Variants in ERBB4 observed in about 807,000 individuals in gnomAD.
ERBB4 encodes erb-b2 receptor tyrosine kinase 4, also known as receptor tyrosine-protein kinase erbB-4.
A neutral mutation model predicts 158.0 loss-of-function variants in ERBB4; 42 were observed. That is an observed-to-expected ratio of 0.27 (90% CI 0.21 to 0.34). ERBB4 has a LOEUF of 0.34. Ranked by LOEUF, ERBB4 falls within the 10% of genes least tolerant of loss-of-function variation. ERBB4 has a pLI of 1.00. For synonymous variants in ERBB4, 583 were observed against 558.7 expected, an observed-to-expected ratio of 1.04 and a Z score of -0.61; for missense variants, 1,333 against 1,624.1, an observed-to-expected ratio of 0.82 and a Z score of 3.08.
In ERBB4 at chr2:212,190,550, A is replaced by AAAAAAG. The variant is rs540372658; in HGVS notation, c.83-65648_83-65647insCTTTTT. 5.3e-3 allele frequency among the ~76,000 whole-genome samples: 781 copies of AAAAAAG among 146,938 alleles called. 6 individuals are homozygous for AAAAAAG. Among genetic ancestry groups the AAAAAAG allele is most frequent in the Middle Eastern group, 0.021 (6 of 288 alleles). ...AGACTCCGTCTCAAAAAAAAAAAAA[A>AAAAAAG]AAGAAGAAGAAGAAGAACTGGGCGC... On this transcript the variant is annotated intron_variant, in intron 1 of 27. Coordinates refer to ENST00000342788, the MANE Select transcript of ERBB4 (RefSeq NM_005235.3).
intron 1 of ERBB4, among the ~76,000 whole-genome samples, chr2:212,142,639 C>A (rs2080522646): frequency 6.8e-6 from 1 of 146,342 alleles, no homozygotes; most frequent in African/African-American, 2.5e-5. Context: ...TAAATATTAT[C>A]CTCAATTATA....
At chr2:211,918,183 T>C (rs901127661) in intron 3 of ERBB4, among the ~76,000 whole-genome samples, 1 of 152,172 alleles carries the variant, frequency 6.6e-6, no homozygotes, top group African/African-American at 2.4e-5. Context: ...GAAGTTAATT[T>C]TTCTTTTTGT....
chr2:212,445,939 G>A (rs2092339779), intron 1 of ERBB4, among the ~76,000 whole-genome samples: 1 of 152,182 alleles, frequency 6.6e-6, no homozygotes, highest in Admixed American at 6.5e-5. Context: ...GTTTGTGTAT[G>A]TATACACTTG....
At chr2:211,589,061 T>G (rs1396173866) in intron 19 of ERBB4, among the ~76,000 whole-genome samples, 1 of 152,134 alleles carries the variant, frequency 6.6e-6, no homozygotes, top group East Asian at 1.9e-4. Flanking sequence ...ATAATTGCAA[T>G]CTGAGCTTTA....
At chr2:212,231,274 C>T (rs558121850) in intron 1 of ERBB4, among the ~76,000 whole-genome samples, 1 of 152,076 alleles carries the variant, frequency 6.6e-6, no homozygotes, top group South Asian at 2.1e-4. Context: ...ACGGACAAAA[C>T]CTGAGGGTGT....
chr2:211,492,334 T>C (rs996784194), intron 20 of ERBB4, among the ~76,000 whole-genome samples: 1 of 152,160 alleles, frequency 6.6e-6, no homozygotes, highest in African/African-American at 2.4e-5. Flanking sequence ...TCTTGGCCCT[T>C]GGCCCTGCCA....
At chr2:212,391,657 ATTATG>A (rs1202867168) in intron 1 of ERBB4, among the ~76,000 whole-genome samples, 23 of 138,924 alleles carry the variant, frequency 1.7e-4, no homozygotes, top group African/African-American at 2.4e-4. Flanking sequence ...TATATATTAT[ATTATG>A]TATTATATTT....
At chr2:212,212,140 T>C (rs2082956937) in intron 1 of ERBB4, among the ~76,000 whole-genome samples, 1 of 152,140 alleles carries the variant, frequency 6.6e-6, no homozygotes, top group South Asian at 2.1e-4. Flanking sequence ...ATCACCATAC[T>C]GTCTTCCTCA....
chr2:212,247,024 G>T (rs1288333513), intron 1 of ERBB4, among the ~76,000 whole-genome samples: 1 of 152,066 alleles, frequency 6.6e-6, no homozygotes, highest in African/African-American at 2.4e-5. Context: ...CAAAAATCAT[G>T]TTGATTAAAT....
intron 3 of ERBB4, among the ~76,000 whole-genome samples, chr2:211,880,676 A>G (rs1010482380): frequency 2.0e-5 from 3 of 152,336 alleles, no homozygotes; most frequent in East Asian, 1.9e-4. Context: ...CCTGTATCAG[A>G]GCAACATGAA....
At chr2:211,723,557 G>A (rs543809918) in intron 6 of ERBB4, among the ~76,000 whole-genome samples, 128 of 151,990 alleles carry the variant, frequency 8.4e-4, no homozygotes, top group African/African-American at 2.9e-3. Flanking sequence ...TCATAAACAT[G>A]ACAATTCCCT....
intron 1 of ERBB4, among the ~76,000 whole-genome samples, chr2:212,159,318 T>A (rs1575723073): frequency 1.3e-5 from 2 of 151,310 alleles, no homozygotes; most frequent in Admixed American, 6.6e-5. Flanking sequence ...CAGAATCATA[T>A]ATAATTCCGT....
chr2:211,391,831 G>A (rs954077268), intron 25 of ERBB4, among the ~76,000 whole-genome samples: 10 of 152,164 alleles, frequency 6.6e-5, no homozygotes, highest in African/African-American at 2.2e-4. Context: ...ACTGTATCTT[G>A]TGATATTTTT....
chr2:212,463,191 A>G (rs536312818), intron 1 of ERBB4, among the ~76,000 whole-genome samples: 2 of 152,224 alleles, frequency 1.3e-5, no homozygotes, highest in African/African-American at 4.8e-5. Flanking sequence ...GTTATATAGC[A>G]CTGTAGGGTG....
intron 1 of ERBB4, among the ~76,000 whole-genome samples, chr2:212,469,405 C>T (rs144371724): frequency 7.6e-4 from 116 of 152,284 alleles, no homozygotes; most frequent in African/African-American, 2.5e-3. Flanking sequence ...TATATTTCTA[C>T]ACTAACTGTA....
intron 1 of ERBB4, among the ~76,000 whole-genome samples, chr2:212,346,269 T>A (rs2088993857): frequency 6.6e-6 from 1 of 151,644 alleles, no homozygotes; most frequent in African/African-American, 2.4e-5. Context: ...CTATGTTTTC[T>A]AAGTATTTGA....
intron 15 of ERBB4, among the ~76,000 whole-genome samples, chr2:211,658,288 C>G (rs927989590): frequency 6.6e-6 from 1 of 152,102 alleles, no homozygotes; most frequent in Non-Finnish European, 1.5e-5. Context: ...ATGCATCATA[C>G]ATGATTACAT....
intron 25 of ERBB4, among the ~76,000 whole-genome samples, chr2:211,415,293 T>A (rs2063364095): frequency 7.9e-6 from 1 of 126,418 alleles, no homozygotes; most frequent in Non-Finnish European, 1.8e-5. Context: ...ATTTTTTGTA[T>A]TTTTTTTAGT....
intron 1 of ERBB4, among the ~76,000 whole-genome samples, chr2:212,218,038 T>G (rs142065784): frequency 2.0e-3 from 305 of 151,436 alleles, no homozygotes; most frequent in African/African-American, 6.9e-3. Flanking sequence ...ACTGTCTGCT[T>G]GCTTCTGTGA....
Sources: allele counts gnomAD v4.1 joint callset (sites outside exome capture counted in the v4.1 genomes callset), GRCh38; gene constraint gnomAD v4.1.1; transcripts MANE v1.5; gene names NCBI Gene and HGNC (gene_info 2026-07-23, HGNC 2026-07-21).